MRE11: variants seen among roughly 807,000 people sequenced by gnomAD.
The protein encoded by MRE11 is MRE11 double strand break repair nuclease.
A neutral mutation model predicts 91.7 loss-of-function variants in MRE11; 62 were observed. That is an observed-to-expected ratio of 0.68 (90% CI 0.55 to 0.84). MRE11 has a LOEUF of 0.84. MRE11 is among the 40% of genes least tolerant of loss of function. The pLI is 0.00. For synonymous variants in MRE11, 273 were observed against 271.4 expected (o/e 1.01, Z -0.06); for missense variants, 796 against 852.9 (o/e 0.93, Z 0.83).
chr11:94,425,640 G>A (rs1033697318), intron 19 of MRE11, among the ~76,000 whole-genome samples: 4 of 152,096 alleles, frequency 2.6e-5, no homozygotes, highest in Non-Finnish European at 4.4e-5. Context: ...CAAAGTAAAG[G>A]GATGGAGAAA....
chr11:94,439,463 T>C (rs1222797427), intron 16 of MRE11, among the ~76,000 whole-genome samples: 1 of 152,256 alleles, frequency 6.6e-6, no homozygotes, highest in Non-Finnish European at 1.5e-5. Flanking sequence ...AATATTCATC[T>C]TCATAATCTT....
intron 11 of MRE11, among the ~76,000 whole-genome samples, chr11:94,461,842 G>C (rs1052420264): frequency 1.3e-5 from 2 of 152,180 alleles, no homozygotes; most frequent in African/African-American, 2.4e-5. Flanking sequence ...TTGAGAGGCC[G>C]AGGTGGGCGG....
chr11:94,478,874 T>G lies in MRE11; in HGVS notation c.405A>C (p.Ala135=), dbSNP rs878854778. 2 of 1,613,692 alleles carry G rather than the reference T, an allele frequency of 1.2e-6. No individual in the cohort carries two copies. The highest frequency in any genetic ancestry group is 4.5e-5 in the East Asian group (2 of 44,818). Residue 135 remains alanine, a splice_region_variant and synonymous_variant, in exon 6 of 20, where the codon GCA becomes GCC. Transcript: ENST00000323929. ...AAATGTCCAAGGCACAAAGTGCATC[T>G]GCCTATGCAAAATAATTTCAAAGAA... is the stretch of plus-strand genomic sequence containing the variant. ...IHGNHDDPTG[A]DALCALDILS...
chr11:94,470,361 G>T, intron 9 of MRE11, 110 bp downstream of exon 9: 1 of 1,100,250 alleles, frequency 9.1e-7, no homozygotes, highest in Non-Finnish European at 1.3e-6. Flanking sequence ...CAGGCTTCAT[G>T]AGAATGTAAT....
upstream of MRE11, chr11:94,497,032 T>A (rs546706480): frequency 1.3e-6 from 2 of 1,560,270 alleles, no homozygotes; most frequent in Non-Finnish European, 1.8e-6. Context: ...TTTACTGTTA[T>A]GGCCATCATA....
chr11:94,443,816 T>A (rs1165023080), intron 16 of MRE11, among the ~76,000 whole-genome samples: 1 of 151,876 alleles, frequency 6.6e-6, no homozygotes, highest in Non-Finnish European at 1.5e-5. Flanking sequence ...ACTAAACAGA[T>A]CAAATCTATT....
chr11:94,465,803 A>T (rs1456754807), intron 10 of MRE11, among the ~76,000 whole-genome samples: 1 of 152,232 alleles, frequency 6.6e-6, no homozygotes, highest in East Asian at 1.9e-4. Flanking sequence ...TTTGGTCATA[A>T]CAAATTTTAT....
chr11:94,486,855 G>A (rs1398800658), intron 3 of MRE11, among the ~76,000 whole-genome samples: 1 of 152,032 alleles, frequency 6.6e-6, no homozygotes, highest in Non-Finnish European at 1.5e-5. Flanking sequence ...AGTGAAGGAG[G>A]GAAATCATAC....
intron 12 of MRE11, 93 bp from the exon 13 acceptor site, chr11:94,459,674 G>A: frequency 7.3e-7 from 1 of 1,364,424 alleles, no homozygotes; most frequent in Non-Finnish European, 1.0e-6. Context: ...TATGTTACCA[G>A]AGAAAAAATA....
chr11:94,435,333 T>C (rs1246764707), intron 18 of MRE11, among the ~76,000 whole-genome samples: 1 of 152,094 alleles, frequency 6.6e-6, no homozygotes, highest in Non-Finnish European at 1.5e-5. Context: ...GGTGGGTGGA[T>C]CGCCTGAGCT....
intron 14 of MRE11, among the ~76,000 whole-genome samples, chr11:94,449,356 T>C (rs1397355663): frequency 2.0e-5 from 3 of 152,270 alleles, no homozygotes; most frequent in Non-Finnish European, 4.4e-5. Flanking sequence ...TCATCTTTCC[T>C]GTCCCACATG....
chr11:94,493,423 G>A lies in MRE11; in HGVS notation c.-106+368C>T, dbSNP rs1261409083. Among the ~76,000 whole-genome samples the A allele has an allele frequency of 2.0e-5, 3 of 152,154 alleles. No individual in the cohort carries two copies. The East Asian group carries it at 5.8e-4, about 29-fold the overall frequency. On this transcript the variant is annotated intron_variant, in intron 1 of 19. Coordinates refer to ENST00000323929, the MANE Select transcript of MRE11 (RefSeq NM_005591.4). ...TGCGGAGGAACACCTTTAAGCACCA[G>A]CAGGATGACTGAAAATAGCCAGGTT...
chr11:94,456,476 T>C (rs1259030353), intron 13 of MRE11, 138 bp from the exon 14 acceptor site: 1 of 719,574 alleles, frequency 1.4e-6, no homozygotes, highest in Non-Finnish European at 2.4e-6. Context: ...TAAATCATAT[T>C]TTTCCAATTA....
rs145439746 is a variant in MRE11, at chr11:94,464,806, T to C, written c.1099-567A>G. 8.8e-4 allele frequency among the ~76,000 whole-genome samples: 134 copies of C among 152,310 alleles called. 1 individual carries two copies. Among genetic ancestry groups the C allele is most frequent in the African/African-American group, 3.1e-3 (130 of 41,578 alleles). Reference sequence around the variant, plus strand: ...AGACTCTTTCTACAGAAGTCTGTAGTGGTAAACAGACCTTTACAAAGACAA... The same window carrying C: ...AGACTCTTTCTACAGAAGTCTGTAGCGGTAAACAGACCTTTACAAAGACAA... On this transcript the variant is annotated intron_variant, in intron 10 of 19. Coordinates refer to ENST00000323929, the MANE Select transcript of MRE11 (RefSeq NM_005591.4).
intron 18 of MRE11, among the ~76,000 whole-genome samples, chr11:94,435,177 G>A (rs1240072204): frequency 6.6e-6 from 1 of 152,122 alleles, no homozygotes; most frequent in Non-Finnish European, 1.5e-5. Context: ...ATAAAAATAA[G>A]ACAATGACAA....
At chr11:94,439,844 A>G (rs1247818304) in intron 16 of MRE11, among the ~76,000 whole-genome samples, 1 of 152,220 alleles carries the variant, frequency 6.6e-6, no homozygotes, top group Non-Finnish European at 1.5e-5. Context: ...AGAAGTCAGG[A>G]TCCAAACCAA....
intron 12 of MRE11, among the ~76,000 whole-genome samples, chr11:94,460,565 T>A (rs1235779375): frequency 6.6e-6 from 1 of 152,254 alleles, no homozygotes; most frequent in Non-Finnish European, 1.5e-5. Flanking sequence ...ACACTAATTT[T>A]CTTTGATGTG....
chr11:94,503,296 A>G, the MRE11 span, among the ~76,000 whole-genome samples: 2 of 152,170 alleles, frequency 1.3e-5, 1 homozygote. Context: ...ACTATTTTAG[A>G]CACCTCATGT....
At chr11:94,450,013 C>G (rs1946056496) in intron 14 of MRE11, among the ~76,000 whole-genome samples, 1 of 152,130 alleles carries the variant, frequency 6.6e-6, no homozygotes, top group Admixed American at 6.6e-5. Context: ...AAATGACCCC[C>G]TCAACATGTT....
Sources: gnomAD v4.1 joint callset for allele counts (sites outside exome capture counted in the v4.1 genomes callset) on GRCh38, gnomAD v4.1.1 for gene constraint, MANE v1.5 for transcripts, NCBI Gene and HGNC (gene_info 2026-07-23, HGNC 2026-07-21) for gene names.